PIEZO2: variants seen among roughly 807,000 people sequenced by gnomAD.
PIEZO2 encodes the protein piezo type mechanosensitive ion channel component 2.
A neutral mutation model predicts 337.3 loss-of-function variants in PIEZO2; 172 were observed. The observed-to-expected ratio is 0.51, with a 90% CI of 0.45 to 0.58. The LOEUF is 0.58. PIEZO2 is among the 20% of genes least tolerant of loss of function. The pLI is 0.00. For synonymous variants in PIEZO2, 1,251 were observed against 1,228.5 expected, an observed-to-expected ratio of 1.02 and a Z score of -0.38; for missense variants, 3,028 against 3,391.3, an observed-to-expected ratio of 0.89 and a Z score of 2.66.
chr18:10,809,516 C>T (rs1457658013), intron 7 of PIEZO2, among the ~76,000 whole-genome samples: 1 of 151,556 alleles, frequency 6.6e-6, no homozygotes, highest in African/African-American at 2.4e-5. Flanking sequence ...GATCCGCCCA[C>T]CTTGGCCTCC....
rs1266028486 is a variant in PIEZO2 at position 10,952,599 on chromosome 18, G to T, written c.286+26936C>A. Among the ~76,000 whole-genome samples, 1 of 152,202 alleles carries T rather than the reference G, an allele frequency of 6.6e-6. No homozygotes were observed. The highest frequency in any genetic ancestry group is 1.9e-4 in the East Asian group (1 of 5,192). ...CATCCAGGGACCAAGTTTGCTGAAAGACATTGAAGTTGCTTCCAGTTGGGG... is the reference window on the plus strand; with the variant it reads ...CATCCAGGGACCAAGTTTGCTGAAATACATTGAAGTTGCTTCCAGTTGGGG... On this transcript the variant is annotated intron_variant, in intron 3 of 55. Coordinates refer to ENST00000674853, the MANE Select transcript of PIEZO2 (RefSeq NM_001378183.1). This position sits in a 1 kb window ranked among gnomAD's most constrained non-coding sequence, Gnocchi z 4.1.
At chr18:10,917,260 A>G (rs264282) in intron 3 of PIEZO2, among the ~76,000 whole-genome samples, 87,490 of 151,956 alleles carry the variant, frequency 0.58, 26,032 homozygotes, top group East Asian at 0.81. Flanking sequence ...TAAATCAGAC[A>G]TCTGATTTCT....
At chr18:10,697,945 A>G (rs1186834510) in intron 44 of PIEZO2, 65 bp from the exon 45 acceptor site, 23 of 1,535,804 alleles carry the variant, frequency 1.5e-5, no homozygotes, top group Middle Eastern at 3.4e-4. Flanking sequence ...TAAATATCCA[A>G]GAAGCAGAAC....
In PIEZO2 at chr18:10,980,746, T is replaced by G. The variant is rs1157389225; in HGVS notation, c.161-1086A>C. Among the ~76,000 whole-genome samples, 7 of 152,194 alleles carry G rather than the reference T, an allele frequency of 4.6e-5. No homozygotes were observed. Among genetic ancestry groups the G allele is most frequent in the Admixed American group, 4.6e-4 (7 of 15,288 alleles). On this transcript the variant is annotated intron_variant, in intron 2 of 55. Transcript: ENST00000674853. This position sits in a 1 kb window ranked among gnomAD's most constrained non-coding sequence, Gnocchi z 4.8. ...TAACAATAATCAAAAAGAAATAAGA[T>G]GCAATTTTATTAGCAAAAAAATTGA...
At chr18:11,118,280 G>A (rs987847879) in intron 1 of PIEZO2, among the ~76,000 whole-genome samples, 1 of 152,188 alleles carries the variant, frequency 6.6e-6, no homozygotes, top group Non-Finnish European at 1.5e-5. Context: ...CCTCTCCAAC[G>A]CTGGGACCTG....
intron 27 of PIEZO2, among the ~76,000 whole-genome samples, chr18:10,755,006 G>C (rs1481604771): frequency 6.6e-6 from 1 of 152,166 alleles, no homozygotes; most frequent in African/African-American, 2.4e-5. Context: ...CGCAAAGGGA[G>C]TAGCAGGTGG....
chr18:10,869,113 G>A (rs1263066228), intron 5 of PIEZO2, among the ~76,000 whole-genome samples: 1 of 152,200 alleles, frequency 6.6e-6, no homozygotes, highest in Non-Finnish European at 1.5e-5. Context: ...ATCTAAGCAA[G>A]CAAAATGAGC....
At position 11,137,353 on chromosome 18, in the gene PIEZO2, C is replaced by A. The variant is rs142384997; in HGVS notation, c.64+11172G>T. On this transcript the variant is annotated intron_variant, in intron 1 of 55. Coordinates refer to ENST00000674853, the MANE Select transcript of PIEZO2 (RefSeq NM_001378183.1). ...GCGATTTAGATATAAAAATTCCGGC[C>A]CGTAGGTTAAAAAGCAGTGATTTAT... Among the ~76,000 whole-genome samples, 588 of 152,096 alleles carry A rather than the reference C, an allele frequency of 3.9e-3. 3 individuals carry two copies. The highest frequency in any genetic ancestry group is 0.013 in the African/African-American group (543 of 41,454).
chr18:10,733,054 A>C (rs551306353), intron 35 of PIEZO2, among the ~76,000 whole-genome samples: 1 of 152,296 alleles, frequency 6.6e-6, no homozygotes, highest in African/African-American at 2.4e-5. Context: ...TTCTCTGAAG[A>C]AAAAGGAAAC....
At chr18:10,787,955 G>A (rs903061686) in intron 15 of PIEZO2, among the ~76,000 whole-genome samples, 1 of 151,934 alleles carries the variant, frequency 6.6e-6, no homozygotes, top group African/African-American at 2.4e-5. Context: ...AGCAGTCAAT[G>A]CACTATACAT....
intron 7 of PIEZO2, among the ~76,000 whole-genome samples, chr18:10,848,565 GAAT>G (rs2041437753): frequency 6.6e-6 from 1 of 152,194 alleles, no homozygotes; most frequent in African/African-American, 2.4e-5. Context: ...AATGGGCTGA[GAAT>G]CTTTCCCATT....
intron 33 of PIEZO2, 103 bp from the exon 34 acceptor site, chr18:10,736,813 G>T: frequency 7.9e-7 from 1 of 1,259,114 alleles, no homozygotes; most frequent in African/African-American, 1.5e-5. Context: ...GTCCATAAGA[G>T]AACCACAACG....
Position 10,672,542 on chromosome 18 carries a change from G to T in PIEZO2, c.8345+148C>A, listed in dbSNP as rs2033824424. The T allele has an allele frequency of 1.2e-6, 1 of 867,666 alleles. No individual in the cohort carries two copies. Among genetic ancestry groups the T allele is most frequent in the Non-Finnish European group, 1.7e-6 (1 of 582,960 alleles). The allele number at this position is 867,666 out of a possible 1,614,324, so 53.7% of individuals were successfully genotyped here. On this transcript the variant is annotated intron_variant, in intron 55 of 55. Coordinates refer to ENST00000674853, the MANE Select transcript of PIEZO2 (RefSeq NM_001378183.1). The surrounding 1 kb of genome is among the most constrained non-coding windows in gnomAD (Gnocchi z 4.7). ...TTGGGACTCTGGTGCCTCATTTTTT[G>T]AAATAAAATGCACACAAGGATGTGT...
At position 10,851,678 on chromosome 18, in the gene PIEZO2, A is replaced by T. The variant is rs138653782; in HGVS notation, c.917+3675T>A. 3.0e-3 allele frequency among the ~76,000 whole-genome samples: 461 copies of T among 152,292 alleles called. 1 individual carries two copies. The highest frequency in any genetic ancestry group is 0.01 in the African/African-American group (425 of 41,570). Reference sequence around the variant, plus strand: ...TTTTTAAATGGTTGGGGAAAAATTTAAAAAAATTTTCATTAAATGTAAAAG... The same window carrying T: ...TTTTTAAATGGTTGGGGAAAAATTTTAAAAAATTTTCATTAAATGTAAAAG... On this transcript the variant is annotated intron_variant, in intron 7 of 55. Transcript: ENST00000674853.
At chr18:11,071,508 G>C (rs2038338199) in intron 1 of PIEZO2, among the ~76,000 whole-genome samples, 1 of 152,210 alleles carries the variant, frequency 6.6e-6, no homozygotes, top group South Asian at 2.1e-4. Context: ...GTTCTGGTGG[G>C]GAGACAGTAG....
In PIEZO2 at chr18:10,760,962, A is replaced by T. The variant is rs2038102164; in HGVS notation, c.3399T>A (p.Ile1133=). 5 of 1,535,142 alleles carry T rather than the reference A, an allele frequency of 3.3e-6. No homozygotes were observed. Among genetic ancestry groups the T allele is most frequent in the Middle Eastern group, 1.7e-4 (1 of 5,966 alleles). Residue 1133 remains isoleucine (I), a synonymous_variant, in exon 24 of 56, where the codon ATT becomes ATA. Coordinates refer to ENST00000674853, the MANE Select transcript of PIEZO2 (RefSeq NM_001378183.1). The part of the protein sequence containing the change: ...ITRLHLDDGL[I]NCAKYFINYF... ...AATTAATGAAATATTTGGCACAATT[A>T]ATAAGTCCATCATCTAGATGTAGTC...
In PIEZO2 at chr18:11,027,206, G is replaced by A. The variant is rs565389215; in HGVS notation, c.160+38921C>T. ...AATTTGAAGAGACCCCAGAATATGG[G>A]TAGAACCTGGAGAGAGGAAAGCAAA... On this transcript the variant is annotated intron_variant, in intron 2 of 55. Transcript: ENST00000674853. This position sits in a 1 kb window ranked among gnomAD's most constrained non-coding sequence, Gnocchi z 4.2. 1.3e-5 allele frequency among the ~76,000 whole-genome samples: 2 copies of A among 152,174 alleles called. No homozygotes were observed. Among genetic ancestry groups the A allele is most frequent in the Non-Finnish European group, 2.9e-5 (2 of 68,028 alleles).
At chr18:11,024,127 C>T (rs946238834) in intron 2 of PIEZO2, among the ~76,000 whole-genome samples, 6 of 152,342 alleles carry the variant, frequency 3.9e-5, no homozygotes, top group African/African-American at 4.8e-5. Context: ...GCTCCTCAAG[C>T]GCGGCCTGAG....
rs919273217 is a variant in PIEZO2 at position 11,027,712 on chromosome 18, G to A, written c.160+38415C>T. ...TCACAATTATGTTGTACAAATAAATGTAAAAATCATTAGCATTAACTGAAA... is the reference window on the plus strand; with the variant it reads ...TCACAATTATGTTGTACAAATAAATATAAAAATCATTAGCATTAACTGAAA... On this transcript the variant is annotated intron_variant, in intron 2 of 55. Transcript: ENST00000674853. This position sits in a 1 kb window ranked among gnomAD's most constrained non-coding sequence, Gnocchi z 4.2. Among the ~76,000 whole-genome samples the A allele has an allele frequency of 8.5e-5, 13 of 152,130 alleles. No individual in the cohort carries two copies. The highest frequency in any genetic ancestry group is 3.1e-4 in the African/African-American group (13 of 41,424).
Sources: gnomAD v4.1 joint callset for allele counts (sites outside exome capture counted in the v4.1 genomes callset) on GRCh38, gnomAD v4.1.1 for gene constraint, Gnocchi (gnomAD v3.1) non-coding constraint, MANE v1.5 for transcripts, NCBI Gene and HGNC (gene_info 2026-07-23, HGNC 2026-07-21) for gene names.